The following ST6GALNAC3 variants were observed in gnomAD, a reference collection of about 807,000 sequenced individuals.
ST6GALNAC3 encodes ST6 N-acetylgalactosaminide alpha-2,6-sialyltransferase 3.
ST6GALNAC3 carries 25 observed loss-of-function variants against 32.7 expected under a neutral mutation model. The observed-to-expected ratio is 0.76, with a 90% CI of 0.56 to 1.07. The LOEUF (loss-of-function observed/expected upper bound fraction) is 1.07. Among genes scored for constraint, ST6GALNAC3 ranks in the 50% least tolerant of loss-of-function variants. The probability of loss-of-function intolerance (pLI) is 0.00; values close to 1 mark genes in which losing one functional copy is unlikely to be tolerated. For synonymous variants in ST6GALNAC3, 129 were observed against 133.1 expected, an observed-to-expected ratio of 0.97 and a Z score of 0.21; for missense variants, 355 against 382.4, an observed-to-expected ratio of 0.93 and a Z score of 0.60.
At chr1:76,581,312 G>T (rs403493) in intron 3 of ST6GALNAC3, among the ~76,000 whole-genome samples, 12,863 of 152,032 alleles carry the variant, frequency 0.085, 1,035 homozygotes, top group East Asian at 0.25. Flanking sequence ...ATGGAGTCAG[G>T]CAAAGAATAA....
chr1:76,557,320 CT>C (rs929258919), intron 3 of ST6GALNAC3, among the ~76,000 whole-genome samples: 1 of 152,066 alleles, frequency 6.6e-6, no homozygotes, highest in Non-Finnish European at 1.5e-5. Context: ...AATCCTCCAA[CT>C]TTTTTATCCT....
chr1:76,310,208 T>C (rs1424207104), intron 1 of ST6GALNAC3, among the ~76,000 whole-genome samples: 3 of 152,194 alleles, frequency 2.0e-5, no homozygotes, highest in African/African-American at 7.2e-5. Context: ...ACCTGTTTAC[T>C]TAATGGGTGA....
chr1:76,280,721 C>T (rs12131613), intron 1 of ST6GALNAC3, among the ~76,000 whole-genome samples: 46,347 of 152,136 alleles, frequency 0.3, 8,161 homozygotes, highest in Non-Finnish European at 0.4. Context: ...ATTCAGACCT[C>T]TTTACAAATC....
At chr1:76,584,665 G>A (rs766977691) in intron 3 of ST6GALNAC3, among the ~76,000 whole-genome samples, 3 of 152,176 alleles carry the variant, frequency 2.0e-5, no homozygotes, top group Non-Finnish European at 2.9e-5. Flanking sequence ...AGATCTAAAA[G>A]AGAAACATAT....
intron 3 of ST6GALNAC3, among the ~76,000 whole-genome samples, chr1:76,456,167 G>T (rs1310466266): frequency 6.6e-6 from 1 of 152,026 alleles, no homozygotes. Flanking sequence ...GTGAAACTCT[G>T]TCCCAAAAAG....
chr1:76,539,666 G>GAA (rs148938937), intron 3 of ST6GALNAC3, among the ~76,000 whole-genome samples: 86 of 150,492 alleles, frequency 5.7e-4, no homozygotes, highest in South Asian at 1.5e-3. Context: ...AAATTTGCAA[G>GAA]AAAAAAAAAC....
intron 3 of ST6GALNAC3, among the ~76,000 whole-genome samples, chr1:76,562,240 TATATG>T (rs1665284840): frequency 2.0e-5 from 3 of 152,254 alleles, no homozygotes; most frequent in East Asian, 3.9e-4. Flanking sequence ...ATGAGTGAAT[TATATG>T]GTATGTGAGT....
intron 3 of ST6GALNAC3, among the ~76,000 whole-genome samples, chr1:76,516,931 T>C (rs1396056029): frequency 6.6e-6 from 1 of 152,008 alleles, no homozygotes; most frequent in Non-Finnish European, 1.5e-5. Flanking sequence ...TTTTTCCACA[T>C]GGAAATTAAA....
chr1:76,143,505 G>A (rs1335824060), intron 1 of ST6GALNAC3, among the ~76,000 whole-genome samples: 1 of 151,664 alleles, frequency 6.6e-6, no homozygotes, highest in East Asian at 1.9e-4. Context: ...ATTTTTCTTT[G>A]AGTGGCCCCC....
chr1:76,079,637 C>T (rs532379277), intron 1 of ST6GALNAC3, among the ~76,000 whole-genome samples: 1 of 152,206 alleles, frequency 6.6e-6, no homozygotes, highest in South Asian at 2.1e-4. Flanking sequence ...CTCCAGTGAC[C>T]TGTCCTCATA....
At chr1:76,321,619 C>A (rs1342274878) in intron 2 of ST6GALNAC3, among the ~76,000 whole-genome samples, 1 of 152,158 alleles carries the variant, frequency 6.6e-6, no homozygotes, top group Non-Finnish European at 1.5e-5. Flanking sequence ...TCTGCACTCT[C>A]AAACCTGCTG....
At chr1:76,434,578 A>C (rs1462311694) in intron 3 of ST6GALNAC3, among the ~76,000 whole-genome samples, 1 of 152,200 alleles carries the variant, frequency 6.6e-6, no homozygotes, top group African/African-American at 2.4e-5. Context: ...TAGGATTATA[A>C]AAAAGTATTT....
chr1:76,515,724 T>A lies in ST6GALNAC3; in HGVS notation c.623+103307T>A, dbSNP rs182396125. 1.7e-3 allele frequency among the ~76,000 whole-genome samples: 262 copies of A among 152,300 alleles called. 1 individual carries two copies. The highest frequency in any genetic ancestry group is 6.1e-3 in the African/African-American group (252 of 41,582). ...CCATGTATTTGTAAGATTTCCAAAG[T>A]TTTTCTCGTTGTTGATTTCTAGGTT... On this transcript the variant is annotated intron_variant, in intron 3 of 4. Transcript: ENST00000328299.
chr1:76,299,694 A>G (rs1339626522), intron 1 of ST6GALNAC3, among the ~76,000 whole-genome samples: 1 of 152,046 alleles, frequency 6.6e-6, no homozygotes, highest in African/African-American at 2.4e-5. Context: ...TTTCTCCACA[A>G]CTATGTATTG....
At chr1:76,381,928 C>A (rs1199046268) in intron 2 of ST6GALNAC3, among the ~76,000 whole-genome samples, 2 of 152,050 alleles carry the variant, frequency 1.3e-5, no homozygotes, top group Non-Finnish European at 2.9e-5. Flanking sequence ...AAGAAGAATG[C>A]AGTAGTTTAA....
chr1:76,341,673 CTTTCTTTCCTTCTTTCTTTCTTTCTTTCT>C (rs1648032809), intron 2 of ST6GALNAC3, among the ~76,000 whole-genome samples: 4 of 142,638 alleles, frequency 2.8e-5, no homozygotes, highest in African/African-American at 1.1e-4. Flanking sequence ...TTCTTTCTTT[CTTTCTTTCCTTCTTTCTTTCTTTCTTTCT>C]TTCCTTCTTT....
intron 2 of ST6GALNAC3, among the ~76,000 whole-genome samples, chr1:76,320,882 A>G (rs1646953054): frequency 6.6e-6 from 1 of 152,098 alleles, no homozygotes; most frequent in Non-Finnish European, 1.5e-5. Context: ...ACAAACATAC[A>G]TAGAATATAT....
At chr1:76,479,544 G>A (rs566359278) in intron 3 of ST6GALNAC3, among the ~76,000 whole-genome samples, 29 of 152,310 alleles carry the variant, frequency 1.9e-4, no homozygotes, top group Admixed American at 1.0e-3. Context: ...ATAACATGGC[G>A]GAAGCCATCA....
At chr1:76,384,308 A>G (rs781248899) in intron 2 of ST6GALNAC3, among the ~76,000 whole-genome samples, 4 of 152,186 alleles carry the variant, frequency 2.6e-5, no homozygotes, top group Admixed American at 1.3e-4. Context: ...ATGCCATGAC[A>G]TAGTGACAAA....
Sources: allele counts gnomAD v4.1 joint callset (sites outside exome capture counted in the v4.1 genomes callset), GRCh38; gene constraint gnomAD v4.1.1; transcripts MANE v1.5; gene names NCBI Gene and HGNC (gene_info 2026-07-23, HGNC 2026-07-21).